EME2: variants seen among roughly 807,000 people sequenced by gnomAD.
EME2 encodes the protein structure-specific endonuclease subunit EME2.
Under a neutral mutation model 41.9 loss-of-function variants are expected in EME2, and 58 were observed. The observed-to-expected ratio is 1.38, with a 90% confidence interval of 1.12 to 1.72. The LOEUF (loss-of-function observed/expected upper bound fraction) is 1.72, where lower values mean the gene tolerates loss of function less well. Among genes scored for constraint, EME2 ranks in the 40% most tolerant of loss-of-function variants. EME2 has a pLI of 0.00. For missense variants in EME2, 695 were observed against 541.9 expected, an observed-to-expected ratio of 1.28 and a Z score of -2.81; for synonymous variants, 334 against 239.3, an observed-to-expected ratio of 1.40 and a Z score of -3.65.
Position 1,779,060 on chromosome 16 carries a change from T to G in EME2, c.*2822T>G. On this transcript the variant is annotated 3_prime_UTR_variant, in exon 8 of 8. Transcript: ENST00000568449. ...ACACTGTGGCCCAACGACCTTCCTG[T>G]TACCTGAGCAGACCTGGCTCACCAC... The G allele has an allele frequency of 6.2e-6, 1 of 161,224 alleles. No homozygotes were observed. Among genetic ancestry groups the G allele is most frequent in the Non-Finnish European group, 1.3e-5 (1 of 74,320 alleles). The allele number at this position is 161,224 out of a possible 1,614,324, so 10.0% of individuals were successfully genotyped here. A position where few individuals can be genotyped will look rare whatever the true frequency, so the allele number is the denominator to read the frequency against.
In EME2 at chr16:1,778,398, C is replaced by T. The variant is rs1318803064; in HGVS notation, c.*2160C>T. 1.9e-6 allele frequency: 3 copies of T among 1,605,842 alleles called. No individual in the cohort carries two copies. The highest frequency in any genetic ancestry group is 1.3e-5 in the African/African-American group (1 of 74,806). The stretch of plus-strand genomic sequence containing the variant: ...CCCTGCCCACCCCCAGGCCCGCCCG[C>T]AGTGCAGTCCCAGCAGGGGCTGGGC... On this transcript the variant is annotated 3_prime_UTR_variant, in exon 8 of 8. Coordinates refer to ENST00000568449, the MANE Select transcript of EME2 (RefSeq NM_001257370.2).
In EME2 at chr16:1,773,467, GGACACAGGTGC is replaced by G; in HGVS notation, c.242_247+5del. Reference sequence around the variant, plus strand: ...TCCTGAAGCGCCTCGCGGTGTGCGTGGACACAGGTGCGGCGGAGGGCACGGGCGATACTCGG... The same window carrying G: ...TCCTGAAGCGCCTCGCGGTGTGCGTGGGCGGAGGGCACGGGCGATACTCGG... On this transcript the variant is annotated splice_donor_variant and splice_donor_region_variant and coding_sequence_variant and intron_variant, in exon 1 of 8. Transcript: ENST00000568449. LOFTEE classifies it high-confidence loss of function. The G allele has an allele frequency of 6.3e-7, 1 of 1,579,228 alleles. No homozygotes were observed. Among genetic ancestry groups the G allele is most frequent in the Middle Eastern group, 1.7e-4 (1 of 5,928 alleles).
chr16:1,773,568 A>G, intron 1 of EME2, 94 bp downstream of exon 1: 9 of 1,514,670 alleles, frequency 5.9e-6, no homozygotes, highest in Middle Eastern at 1.9e-4. Flanking sequence ...GCGCGTGCCG[A>G]GGGGCCTGGG....
rs535741755 is a variant in EME2, at chr16:1,775,769, G to T, written c.780-28G>T. On this transcript the variant is annotated intron_variant, in intron 6 of 7. Transcript: ENST00000568449. Reference sequence around the variant, plus strand: ...GCCTTTTGGGAGCTGCTCACATGAGGTTCTAAAAGGCTTCTCTCTGTCCCC... The same window carrying T: ...GCCTTTTGGGAGCTGCTCACATGAGTTTCTAAAAGGCTTCTCTCTGTCCCC... The T allele has an allele frequency of 6.8e-6, 11 of 1,612,250 alleles. No individual in the cohort carries two copies. In the Admixed American group the frequency reaches 1.8e-4, roughly 27 times the overall value.
At position 1,774,358 on chromosome 16, in the gene EME2, C is replaced by A. The variant is rs763586739; in HGVS notation, c.477+6C>A. On this transcript the variant is annotated splice_donor_region_variant and intron_variant, in intron 3 of 7. Coordinates refer to ENST00000568449, the MANE Select transcript of EME2 (RefSeq NM_001257370.2). Reference sequence around the variant, plus strand: ...GCGTCGCCACACTGACCCAGGTGCTCGGGTGGTGGCAGTAGTCCCTCTCTA... The same window carrying A: ...GCGTCGCCACACTGACCCAGGTGCTAGGGTGGTGGCAGTAGTCCCTCTCTA... 2 of 1,611,066 alleles carry A rather than the reference C, an allele frequency of 1.2e-6. No individual in the cohort carries two copies. Among genetic ancestry groups the A allele is most frequent in the South Asian group, 1.1e-5 (1 of 91,032 alleles).
At chr16:1,774,989 C>T in intron 3 of EME2, 52 bp from the exon 4 acceptor site, 3 of 1,465,312 alleles carry the variant, frequency 2.0e-6, no homozygotes, top group East Asian at 2.3e-5. Flanking sequence ...TGGCCCATGG[C>T]CATAGGCCGC....
chr16:1,775,172 A>G (rs762264200), intron 4 of EME2, 40 bp downstream of exon 4: 1 of 1,604,586 alleles, frequency 6.2e-7, no homozygotes, highest in East Asian at 2.2e-5. Flanking sequence ...GCTGGCTGGG[A>G]CGGGGGTTCA....
intron 1 of EME2, 114 bp from the exon 2 acceptor site, chr16:1,773,591 T>C: frequency 6.6e-7 from 1 of 1,521,750 alleles, no homozygotes; most frequent in Non-Finnish European, 8.8e-7. Flanking sequence ...CGGGCCCGCC[T>C]CCCAGTCGGG....
Position 1,776,629 on chromosome 16 carries a change from T to C in EME2, c.*391T>C, listed in dbSNP as rs1253570227. On this transcript the variant is annotated 3_prime_UTR_variant, in exon 8 of 8. Transcript: ENST00000568449. ...AAGCAGTAGGGGACTCCCAAGGATG[T>C]GGAGGGGCAGTGAGGCCTGGGAGAA... is the stretch of plus-strand genomic sequence containing the variant. 1.7e-5 allele frequency: 5 copies of C among 287,672 alleles called. No homozygotes were observed. Among genetic ancestry groups the C allele is most frequent in the Non-Finnish European group, 3.3e-5 (5 of 152,700 alleles). The allele number at this position is 287,672 out of a possible 1,614,324, so 17.8% of individuals were successfully genotyped here.
Position 1,773,861 on chromosome 16 carries a change from C to A in EME2, c.384+20C>A. ...CGCAGCGTGAGTGGTCGCGGGTTCC[C>A]GAGGGCCAGCCGCGAGTTGGCTGTT... On this transcript the variant is annotated intron_variant, in intron 2 of 7. Transcript: ENST00000568449. 1.3e-6 allele frequency: 2 copies of A among 1,524,366 alleles called. No individual in the cohort carries two copies. Among genetic ancestry groups the A allele is most frequent in the Non-Finnish European group, 1.8e-6 (2 of 1,141,404 alleles). The allele number at this position is 1,524,366 out of a possible 1,614,324, so 94.4% of individuals were successfully genotyped here.
In EME2 at chr16:1,773,392, T is replaced by G. The variant is rs560188321; in HGVS notation, c.165T>G (p.Gly55=). The G allele has an allele frequency of 2.3e-4, 363 of 1,555,556 alleles. No homozygotes were observed. The highest frequency in any genetic ancestry group is 2.9e-4 in the Non-Finnish European group (338 of 1,160,464). Residue 55 remains glycine, a synonymous_variant, in exon 1 of 8, where the codon GGT becomes GGG. Coordinates refer to ENST00000568449, the MANE Select transcript of EME2 (RefSeq NM_001257370.2). ...EAAARARDPA[G]ERRAAAEALR... is the part of the protein sequence containing the mutation. ...CCGCGAGAGCCCGGGACCCAGCGGGTGAGCGCAGGGCGGCTGCCGAGGCGT... is the reference window on the plus strand; with the variant it reads ...CCGCGAGAGCCCGGGACCCAGCGGGGGAGCGCAGGGCGGCTGCCGAGGCGT...
Position 1,776,292 on chromosome 16 carries a change from C to G in EME2, c.*54C>G. Reference sequence around the variant, plus strand: ...CAGCCTTGGGGACAGACCAGACACCCTGGGCGGTGGGGGAGGACCCCCAGC... The same window carrying G: ...CAGCCTTGGGGACAGACCAGACACCGTGGGCGGTGGGGGAGGACCCCCAGC... On this transcript the variant is annotated 3_prime_UTR_variant, in exon 8 of 8. Coordinates refer to ENST00000568449, the MANE Select transcript of EME2 (RefSeq NM_001257370.2). 2 of 1,579,432 alleles carry G rather than the reference C, an allele frequency of 1.3e-6. No individual in the cohort carries two copies. The highest frequency in any genetic ancestry group is 2.3e-5 in the South Asian group (2 of 88,142).
chr16:1,773,865 G>A, intron 2 of EME2, 24 bp downstream of exon 2: 1 of 1,522,322 alleles, frequency 6.6e-7, no homozygotes, highest in Non-Finnish European at 8.8e-7. Flanking sequence ...GGTTCCCGAG[G>A]GCCAGCCGCG....
At position 1,776,680 on chromosome 16, in the gene EME2, C is replaced by T. The variant is rs1203505563; in HGVS notation, c.*442C>T. 3.4e-6 allele frequency: 1 copy of T among 291,996 alleles called. No homozygotes were observed. The highest frequency in any genetic ancestry group is 7.3e-5 in the East Asian group (1 of 13,764). 18.1% of individuals were successfully genotyped at this position (291,996 alleles called of 1,614,324 possible). ...GGCCCAGGCTGCTCGCAAGCCCGGC[C>T]TCTGCACGGATACGTTTCAGCTCAC... On this transcript the variant is annotated 3_prime_UTR_variant, in exon 8 of 8. Coordinates refer to ENST00000568449, the MANE Select transcript of EME2 (RefSeq NM_001257370.2).
rs759022388 is a variant in EME2, at chr16:1,777,270, G to C, written c.*1032G>C. 1 of 1,610,522 alleles carries C rather than the reference G, an allele frequency of 6.2e-7. No individual in the cohort carries two copies. The highest frequency in any genetic ancestry group is 8.5e-7 in the Non-Finnish European group (1 of 1,179,844). On this transcript the variant is annotated 3_prime_UTR_variant, in exon 8 of 8. Coordinates refer to ENST00000568449, the MANE Select transcript of EME2 (RefSeq NM_001257370.2). ...TGCTTGAGGCCCGGCGGCAGCGGCAGACCCTCCAGCGTGTCTCCCGAGTCT... is the reference window on the plus strand; with the variant it reads ...TGCTTGAGGCCCGGCGGCAGCGGCACACCCTCCAGCGTGTCTCCCGAGTCT...
chr16:1,780,589 G>A lies in EME2; in HGVS notation c.*4351G>A, dbSNP rs926123830. The A allele has an allele frequency of 6.5e-6, 1 of 153,184 alleles. No homozygotes were observed. The highest frequency in any genetic ancestry group is 2.4e-5 in the African/African-American group (1 of 41,472). The allele number at this position is 153,184 out of a possible 1,614,324, so 9.5% of individuals were successfully genotyped here. A position where few individuals can be genotyped will look rare whatever the true frequency, so the allele number is the denominator to read the frequency against. Reference sequence around the variant, plus strand: ...GAAATTTTTACCTTCAAGGATCAGGGTTTTTCTGTTTGTTTGTTTTTTAAC... The same window carrying A: ...GAAATTTTTACCTTCAAGGATCAGGATTTTTCTGTTTGTTTGTTTTTTAAC... On this transcript the variant is annotated 3_prime_UTR_variant, in exon 8 of 8. Transcript: ENST00000568449.
Position 1,777,960 on chromosome 16 carries a change from C to A in EME2, c.*1722C>A. 6.2e-7 allele frequency: 1 copy of A among 1,612,850 alleles called. No homozygotes were observed. The highest frequency in any genetic ancestry group is 1.1e-5 in the South Asian group (1 of 91,084). On this transcript the variant is annotated 3_prime_UTR_variant, in exon 8 of 8. Coordinates refer to ENST00000568449, the MANE Select transcript of EME2 (RefSeq NM_001257370.2). ...GCCTCACGCACCCGTGTAGGAGAGGCCCCAGCTGTCCTCATCCCTGCCCAG... is the reference window on the plus strand; with the variant it reads ...GCCTCACGCACCCGTGTAGGAGAGGACCCAGCTGTCCTCATCCCTGCCCAG...
Position 1,773,112 on chromosome 16 carries a change from C to A in EME2, c.-116C>A. On this transcript the variant is annotated 5_prime_UTR_variant, in exon 1 of 8. Transcript: ENST00000568449. ...GATCAGCCGCGGACGCACCTTCTTC[C>A]GCGCCATGGCGGGTCCGCGTCCTCA... 1 of 1,395,294 alleles carries A rather than the reference C, an allele frequency of 7.2e-7. No individual in the cohort carries two copies. Among genetic ancestry groups the A allele is most frequent in the African/African-American group, 1.5e-5 (1 of 65,882 alleles). 86.4% of individuals were successfully genotyped at this position (1,395,294 alleles called of 1,614,324 possible). A position where few individuals can be genotyped will look rare whatever the true frequency, so the allele number is the denominator to read the frequency against.
rs771186190 is a variant in EME2, at chr16:1,777,131, C to T, written c.*893C>T. ...GCGGCAGCGCTTCCTCTGGCAGGGC[C>T]GAGGCTCGCGACTGCTGGGGTGGGC... On this transcript the variant is annotated 3_prime_UTR_variant, in exon 8 of 8. Transcript: ENST00000568449. 1.4e-5 allele frequency: 22 copies of T among 1,611,428 alleles called. No homozygotes were observed. In the East Asian group the frequency reaches 3.1e-4, roughly 23 times the overall value.
Sources: gnomAD v4.1 joint callset for allele counts on GRCh38, gnomAD v4.1.1 for gene constraint, MANE v1.5 for transcripts, NCBI Gene and HGNC (gene_info 2026-07-23, HGNC 2026-07-21) for gene names.